ASL: variants seen among roughly 807,000 people sequenced by gnomAD.
ASL encodes argininosuccinate lyase.
A neutral mutation model predicts 69.1 loss-of-function variants in ASL; 51 were observed. The ratio of observed to expected loss-of-function variants is 0.74; its 90% confidence interval spans 0.59 to 0.93. The LOEUF (loss-of-function observed/expected upper bound fraction) is 0.93. Ranked by LOEUF, ASL falls within the 40% of genes least tolerant of loss-of-function variation. The probability of loss-of-function intolerance (pLI) is 0.00; values close to 1 mark genes in which losing one functional copy is unlikely to be tolerated. For synonymous variants in ASL, 241 were observed against 247.6 expected, an observed-to-expected ratio of 0.97 and a Z score of 0.25; for missense variants, 540 against 623.9, an observed-to-expected ratio of 0.87 and a Z score of 1.43.
At chr7:66,088,718 C>T in intron 10 of ASL, 89 bp from the exon 11 acceptor site, 1 of 1,118,242 alleles carries the variant, frequency 8.9e-7, no homozygotes, top group Non-Finnish European at 1.3e-6. Flanking sequence ...TAGCCGGGTC[C>T]CCCCACCGCC....
intron 4 of ASL, 76 bp from the exon 5 acceptor site, chr7:66,082,804 A>G (rs1584022615): frequency 6.3e-7 from 1 of 1,581,572 alleles, no homozygotes; most frequent in Non-Finnish European, 8.6e-7. Context: ...GGCAGGGCTG[A>G]TGAGGAAAAC....
chr7:66,079,776 C>T (rs867063931), intron 2 of ASL, among the ~76,000 whole-genome samples: 17 of 152,044 alleles, frequency 1.1e-4, no homozygotes, highest in South Asian at 2.1e-4. Context: ...AGTGCCACCA[C>T]GCCTGGCTAA....
At chr7:66,076,818 G>C (rs1314715720) in intron 2 of ASL, among the ~76,000 whole-genome samples, 1 of 152,218 alleles carries the variant, frequency 6.6e-6, no homozygotes, top group Admixed American at 6.5e-5. Context: ...CTTCAGGTGA[G>C]AGGGGCTGTT....
chr7:66,092,531 G>A, intron 15 of ASL, 26 bp from the exon 16 acceptor site: 1 of 1,596,842 alleles, frequency 6.3e-7, no homozygotes. Context: ...ACCTGCCTCA[G>A]CGCCATCTTC....
Position 66,093,051 on chromosome 7 carries a change from G to A in ASL, c.*139G>A. ...GTCAGGGACTGGAGAGGCAGGGCAGGGTGGCCTGTAATCCCAGCACTTTGG... is the reference window on the plus strand; with the variant it reads ...GTCAGGGACTGGAGAGGCAGGGCAGAGTGGCCTGTAATCCCAGCACTTTGG... On this transcript the variant is annotated 3_prime_UTR_variant, in exon 17 of 17. Coordinates refer to ENST00000304874, the MANE Select transcript of ASL (RefSeq NM_000048.4). 1 of 1,409,878 alleles carries A rather than the reference G, an allele frequency of 7.1e-7. No individual in the cohort carries two copies. The highest frequency in any genetic ancestry group is 2.0e-5 in the Admixed American group (1 of 50,222). The allele number at this position is 1,409,878 out of a possible 1,614,324, so 87.3% of individuals were successfully genotyped here.
At position 66,093,449 on chromosome 7, in the gene ASL, C is replaced by G. The variant is rs1786911264; in HGVS notation, c.*537C>G. ...CTGTCCAGGCCCCATCCCCTTCAGA[C>G]AGGGTATCACAGTGACCTCCTAGGC... is the stretch of plus-strand genomic sequence containing the variant. On this transcript the variant is annotated 3_prime_UTR_variant, in exon 17 of 17. Transcript: ENST00000304874. 5.5e-6 allele frequency: 1 copy of G among 182,450 alleles called. No individual in the cohort carries two copies. Among genetic ancestry groups the G allele is most frequent in the African/African-American group, 2.4e-5 (1 of 42,508 alleles). 11.3% of individuals were successfully genotyped at this position (182,450 alleles called of 1,614,324 possible).
At position 66,089,290 on chromosome 7, in the gene ASL, G is replaced by A. The variant is rs550097103; in HGVS notation, c.933G>A (p.Leu311=). The change falls in exon 13 of 17, where the codon CTG becomes CTA. Residue 311 remains leucine, a synonymous_variant. Coordinates refer to ENST00000304874, the MANE Select transcript of ASL (RefSeq NM_000048.4). ...GRVFGRCAGL[L]MTLKGLPSTY... Reference sequence around the variant, plus strand: ...TCTTCCCGCAGTGTGCCGGGCTCCTGATGACCCTCAAGGGACTTCCCAGCA... The same window carrying A: ...TCTTCCCGCAGTGTGCCGGGCTCCTAATGACCCTCAAGGGACTTCCCAGCA... 2.2e-5 allele frequency: 35 copies of A among 1,610,548 alleles called. No individual in the cohort carries two copies. The South Asian group carries it at 3.3e-4, about 15-fold the overall frequency.
At chr7:66,087,231 TGTGTGTGCGTTC>T in intron 8 of ASL, 91 bp from the exon 9 acceptor site, 1 of 1,393,540 alleles carries the variant, frequency 7.2e-7, no homozygotes, top group Non-Finnish European at 1.0e-6. Flanking sequence ...CTTGGTTCTC[TGTGTGTGCGTTC>T]GTGTGTGTGT....
chr7:66,083,289 C>T, intron 6 of ASL, 115 bp downstream of exon 6: 1 of 1,121,052 alleles, frequency 8.9e-7, no homozygotes, highest in Non-Finnish European at 1.3e-6. Flanking sequence ...GGGACAGGGG[C>T]ATCCCAGAAC....
In ASL at chr7:66,089,146, C is replaced by A; in HGVS notation, c.889C>A (p.Arg297=). Residue 297 remains arginine, a synonymous_variant, in exon 12 of 17, where the codon CGG becomes AGG. Coordinates refer to ENST00000304874, the MANE Select transcript of ASL (RefSeq NM_000048.4). ...AAACCCCGACAGTTTGGAGCTGATCCGGAGCAAGGCTGGGCGTGTGTTTGG... is the reference window on the plus strand; with the variant it reads ...AAACCCCGACAGTTTGGAGCTGATCAGGAGCAAGGCTGGGCGTGTGTTTGG... ...KKNPDSLELI[R]SKAGRVFGRC... 1 of 1,613,634 alleles carries A rather than the reference C, an allele frequency of 6.2e-7. No individual in the cohort carries two copies.
At position 66,092,036 on chromosome 7, in the gene ASL, A is replaced by T. The variant is rs776748819; in HGVS notation, c.1093A>T (p.Ser365Cys). The change falls in exon 15 of 17, where the codon AGC becomes TGC. Residue 365 changes from serine (S) to cysteine (C), a missense_variant. Coordinates refer to ENST00000304874, the MANE Select transcript of ASL (RefSeq NM_000048.4). ...IHQENMGQAL[S>C]PDMLATDLAY... is the part of the protein sequence containing the mutation. ...CCAAGAGAACATGGGACAGGCTCTC[A>T]GCCCCGACATGCTGGCCACTGACCT... The T allele has an allele frequency of 6.2e-7, 1 of 1,613,604 alleles. No homozygotes were observed. Among genetic ancestry groups the T allele is most frequent in the Non-Finnish European group, 8.5e-7 (1 of 1,180,014 alleles).
At chr7:66,081,656 G>A in intron 2 of ASL, 147 bp from the exon 3 acceptor site, 1 of 914,352 alleles carries the variant, frequency 1.1e-6, no homozygotes, top group Non-Finnish European at 1.6e-6. Flanking sequence ...GTGACTCTGG[G>A]AAGGTCTCAG....
Position 66,092,663 on chromosome 7 carries a change from G to A in ASL, c.1250G>A (p.Ser417Asn). The A allele has an allele frequency of 6.2e-7, 1 of 1,613,744 alleles. No homozygotes were observed. The highest frequency in any genetic ancestry group is 1.1e-5 in the South Asian group (1 of 91,082). The change falls in exon 16 of 17, where the codon AGC becomes AAC. Residue 417 changes from serine (S) to asparagine (N), a missense_variant and splice_region_variant. Coordinates refer to ENST00000304874, the MANE Select transcript of ASL (RefSeq NM_000048.4). The part of the protein sequence containing the change: ...QLSLQELQTI[S>N]PLFSGDVICV... The stretch of plus-strand genomic sequence containing the variant: ...TCACTGCAGGAGCTGCAGACCATCA[G>A]GTACGGCCCATCCCCTTCCCCATGC...
chr7:66,082,576 A>G, intron 4 of ASL, 125 bp downstream of exon 4: 5 of 1,142,656 alleles, frequency 4.4e-6, no homozygotes, highest in Non-Finnish European at 6.4e-6. Flanking sequence ...ACCTCAGGAC[A>G]TGAGCCAGGC....
chr7:66,079,582 C>G lies in ASL; in HGVS notation c.13-2221C>G, dbSNP rs556191408. Reference sequence around the variant, plus strand: ...CCAGCCTGGGCAACATAGTGAGACCCTGTCTCTACCAATTATTTTATTTTA... The same window carrying G: ...CCAGCCTGGGCAACATAGTGAGACCGTGTCTCTACCAATTATTTTATTTTA... On this transcript the variant is annotated intron_variant, in intron 2 of 16. Transcript: ENST00000304874. 3.9e-5 allele frequency among the ~76,000 whole-genome samples: 6 copies of G among 152,308 alleles called. No homozygotes were observed. In the South Asian group the frequency reaches 1.2e-3, roughly 32 times the overall value.
rs747275181 is a variant in ASL, at chr7:66,089,088, C to T, written c.834-3C>T. On this transcript the variant is annotated splice_polypyrimidine_tract_variant and splice_region_variant and intron_variant, in intron 11 of 16. Coordinates refer to ENST00000304874, the MANE Select transcript of ASL (RefSeq NM_000048.4). ...CCTTCAGCGCCAGCACCTCTGTCCC[C>T]AGCACGGGAAGCAGCCTGATGCCCC... 2.5e-6 allele frequency: 4 copies of T among 1,613,920 alleles called. No homozygotes were observed. The highest frequency in any genetic ancestry group is 3.4e-6 in the Non-Finnish European group (4 of 1,179,960).
rs1311955815 is a variant in ASL, at chr7:66,081,939, A to T, written c.149A>T (p.Glu50Val). ...AGCAAAGCCTACAGCAGGGGCCTGG[A>T]GAAGGCAGGGCTCCTCACCAAGGCC... Reference protein sequence around the residue: ...QGSKAYSRGLEKAGLLTKAEM... With the variant: ...QGSKAYSRGLVKAGLLTKAEM... The change falls in exon 3 of 17, where the codon GAG (glutamate) becomes GTG (valine). Residue 50 changes from glutamate to valine, a missense_variant. Coordinates refer to ENST00000304874, the MANE Select transcript of ASL (RefSeq NM_000048.4). The T allele has an allele frequency of 2.5e-6, 4 of 1,613,730 alleles. No homozygotes were observed. The highest frequency in any genetic ancestry group is 3.4e-6 in the Non-Finnish European group (4 of 1,179,932).
At position 66,089,708 on chromosome 7, in the gene ASL, C is replaced by A; in HGVS notation, c.1062+13C>A. ...CTCTACGCTGCAGGCAAGACATCAC[C>A]CCCCTGCTTCTCCTCCCCTAGGTCC... is the stretch of plus-strand genomic sequence containing the variant. On this transcript the variant is annotated intron_variant, in intron 14 of 16. Coordinates refer to ENST00000304874, the MANE Select transcript of ASL (RefSeq NM_000048.4). 1 of 1,612,760 alleles carries A rather than the reference C, an allele frequency of 6.2e-7. No homozygotes were observed. The highest frequency in any genetic ancestry group is 8.5e-7 in the Non-Finnish European group (1 of 1,179,846).
chr7:66,087,495 C>A, intron 9 of ASL, 109 bp downstream of exon 9: 1 of 1,379,086 alleles, frequency 7.3e-7, no homozygotes, highest in Non-Finnish European at 1.0e-6. Context: ...CTGGTGAAAC[C>A]TTCATTCATT....
Sources: gnomAD v4.1 joint callset for allele counts (sites outside exome capture counted in the v4.1 genomes callset) on GRCh38, gnomAD v4.1.1 for gene constraint, MANE v1.5 for transcripts, NCBI Gene and HGNC (gene_info 2026-07-23, HGNC 2026-07-21) for gene names.